PLGRKT: variants seen among roughly 807,000 people sequenced by gnomAD.
The protein encoded by PLGRKT is plasminogen receptor with a C-terminal lysine, also known as plasminogen receptor (KT).
A neutral mutation model predicts 18.5 loss-of-function variants in PLGRKT; 22 were observed. That is an observed-to-expected ratio of 1.19 (90% CI 0.85 to 1.70). The LOEUF (loss-of-function observed/expected upper bound fraction) is 1.70, where lower values mean the gene tolerates loss of function less well. Ranked by LOEUF, PLGRKT falls within the 40% of genes most tolerant of loss-of-function variation. PLGRKT has a pLI of 0.00. For synonymous variants in PLGRKT, 72 were observed against 52.8 expected (o/e 1.36, Z -1.58); for missense variants, 235 against 174.4 (o/e 1.35, Z -1.96).
intron 3 of PLGRKT, among the ~76,000 whole-genome samples, chr9:5,420,846 C>A (rs1305128306): frequency 2.0e-5 from 3 of 152,052 alleles, no homozygotes; most frequent in Admixed American, 2.0e-4. Context: ...GCCTTCTCCT[C>A]AAAAAACAAG....
chr9:5,409,007 T>C (rs1818309855), intron 3 of PLGRKT, among the ~76,000 whole-genome samples: 2 of 152,328 alleles, frequency 1.3e-5, no homozygotes, highest in South Asian at 4.1e-4. Flanking sequence ...GGGAGCCTCT[T>C]CCTAGATTTT....
chr9:5,380,581 C>T (rs183068931), intron 3 of PLGRKT, among the ~76,000 whole-genome samples: 1 of 152,152 alleles, frequency 6.6e-6, no homozygotes, highest in African/African-American at 2.4e-5. Context: ...TGCTTCACCC[C>T]CTAAACACCC....
At chr9:5,388,152 G>C (rs1433153179) in intron 3 of PLGRKT, among the ~76,000 whole-genome samples, 3 of 151,960 alleles carry the variant, frequency 2.0e-5, no homozygotes, top group Middle Eastern at 3.4e-3. Flanking sequence ...GTGAAAAGAA[G>C]ACAATGGCAA....
intron 3 of PLGRKT, among the ~76,000 whole-genome samples, chr9:5,415,222 G>T (rs536029303): frequency 1.8e-4 from 28 of 152,212 alleles, no homozygotes; most frequent in African/African-American, 6.5e-4. Flanking sequence ...AATGGAAGTT[G>T]GTCAAAGTCA....
At chr9:5,366,741 C>G (rs1385084291) in intron 3 of PLGRKT, among the ~76,000 whole-genome samples, 3 of 152,008 alleles carry the variant, frequency 2.0e-5, no homozygotes, top group Non-Finnish European at 4.4e-5. Context: ...TACTGGAAGT[C>G]CTAGCCAGAG....
chr9:5,425,642 C>T (rs1450989649), intron 3 of PLGRKT, among the ~76,000 whole-genome samples: 2 of 152,026 alleles, frequency 1.3e-5, no homozygotes, highest in Non-Finnish European at 2.9e-5. Context: ...ATTACAGTCC[C>T]CTAGAGAGAT....
At chr9:5,402,059 C>A (rs1818165695) in intron 3 of PLGRKT, among the ~76,000 whole-genome samples, 1 of 151,848 alleles carries the variant, frequency 6.6e-6, no homozygotes, top group Non-Finnish European at 1.5e-5. Flanking sequence ...CAAATTCAAT[C>A]TAAAATTGCT....
intron 3 of PLGRKT, among the ~76,000 whole-genome samples, chr9:5,362,631 C>G (rs925814180): frequency 6.6e-6 from 1 of 152,138 alleles, no homozygotes; most frequent in Non-Finnish European, 1.5e-5. Context: ...CTTGGCACTA[C>G]ATGTCATTAG....
At chr9:5,416,649 CA>C (rs374139318) in intron 3 of PLGRKT, among the ~76,000 whole-genome samples, 18 of 146,092 alleles carry the variant, frequency 1.2e-4, no homozygotes, top group East Asian at 2.0e-4. Flanking sequence ...AGGAGGAAAA[CA>C]AAAAAAAAAG....
At chr9:5,436,717 C>T (rs1395373495) in intron 1 of PLGRKT, 23 bp from the exon 2 acceptor site, 1 of 152,224 alleles carries the variant, frequency 6.6e-6, no homozygotes, top group Non-Finnish European at 1.5e-5. Context: ...AAATGCATCA[C>T]ACCTTGTAAA....
chr9:5,412,890 T>C (rs947192847), intron 3 of PLGRKT, among the ~76,000 whole-genome samples: 1 of 152,012 alleles, frequency 6.6e-6, no homozygotes, highest in Non-Finnish European at 1.5e-5. Context: ...ACTCCTAATA[T>C]TCAAAGAACA....
chr9:5,427,342 T>C (rs1488213666), intron 3 of PLGRKT, among the ~76,000 whole-genome samples: 1 of 152,170 alleles, frequency 6.6e-6, no homozygotes, highest in Non-Finnish European at 1.5e-5. Flanking sequence ...AGAGTAGTGA[T>C]GCTGGCAATT....
At chr9:5,394,382 T>A (rs1429735079) in intron 3 of PLGRKT, among the ~76,000 whole-genome samples, 5 of 151,866 alleles carry the variant, frequency 3.3e-5, no homozygotes, top group Non-Finnish European at 7.4e-5. Context: ...AATGGAACTT[T>A]CCATGAGGAT....
At chr9:5,361,273 C>T (rs1284896612) in intron 4 of PLGRKT, 86 bp from the exon 5 acceptor site, 1 of 704,138 alleles carries the variant, frequency 1.4e-6, no homozygotes, top group Non-Finnish European at 2.4e-6. Flanking sequence ...AAAATACCTG[C>T]TTTTTGGAAG....
Position 5,397,435 on chromosome 9 carries a change from G to A in PLGRKT, c.81+34462C>T, listed in dbSNP as rs574781468. Reference sequence around the variant, plus strand: ...ATACTGTATGTCATTTCTATTAAACGTAGGCTGTATATGAGCAGTGACTGA... The same window carrying A: ...ATACTGTATGTCATTTCTATTAAACATAGGCTGTATATGAGCAGTGACTGA... On this transcript the variant is annotated intron_variant, in intron 3 of 5. Coordinates refer to ENST00000223864, the MANE Select transcript of PLGRKT (RefSeq NM_018465.4). Among the ~76,000 whole-genome samples the A allele has an allele frequency of 7.9e-5, 12 of 151,830 alleles. No individual in the cohort carries two copies. In the South Asian group the frequency reaches 1.9e-3, roughly 24 times the overall value.
intron 3 of PLGRKT, among the ~76,000 whole-genome samples, chr9:5,369,911 G>A (rs4742088): frequency 0.14 from 21,539 of 151,880 alleles, 1,764 homozygotes; most frequent in East Asian, 0.29. Flanking sequence ...ACACAGGGAG[G>A]GGAACATCAC....
chr9:5,369,619 T>A (rs939473988), intron 3 of PLGRKT, among the ~76,000 whole-genome samples: 2 of 151,982 alleles, frequency 1.3e-5, no homozygotes, highest in African/African-American at 2.4e-5. Flanking sequence ...TATAAATTAC[T>A]ATAAAGACAC....
chr9:5,414,632 C>T (rs1415563284), intron 3 of PLGRKT, among the ~76,000 whole-genome samples: 1 of 152,222 alleles, frequency 6.6e-6, no homozygotes, highest in Non-Finnish European at 1.5e-5. Flanking sequence ...CCGGGAGAAA[C>T]TAACCTTACT....
At chr9:5,395,223 A>C (rs1818022647) in intron 3 of PLGRKT, among the ~76,000 whole-genome samples, 1 of 151,964 alleles carries the variant, frequency 6.6e-6, no homozygotes, top group Non-Finnish European at 1.5e-5. Context: ...GTGGTAGTTA[A>C]GTTCATGCAC....
Sources: allele counts gnomAD v4.1 joint callset (sites outside exome capture counted in the v4.1 genomes callset), GRCh38; gene constraint gnomAD v4.1.1; transcripts MANE v1.5; gene names NCBI Gene and HGNC (gene_info 2026-07-23, HGNC 2026-07-21).